NALCN: variants seen among roughly 807,000 people sequenced by gnomAD.
The protein encoded by NALCN is sodium leak channel NALCN.
Under a neutral mutation model 225.3 loss-of-function variants are expected in NALCN, and 111 were observed. That is an observed-to-expected ratio of 0.49 (90% CI 0.42 to 0.58). The LOEUF (loss-of-function observed/expected upper bound fraction) is 0.58, where lower values mean the gene tolerates loss of function less well. Among genes scored for constraint, NALCN ranks in the 20% least tolerant of loss-of-function variants. NALCN has a pLI of 0.00. For missense variants in NALCN, 1,378 were observed against 2,202.4 expected (o/e 0.63, Z 7.49); for synonymous variants, 764 against 769.0 (o/e 0.99, Z 0.11).
At chr13:101,274,482 T>A (rs575140479) in intron 10 of NALCN, among the ~76,000 whole-genome samples, 10 of 152,356 alleles carry the variant, frequency 6.6e-5, no homozygotes, top group African/African-American at 2.4e-4. Flanking sequence ...TATTAGTACC[T>A]ACCTTTATGG....
chr13:101,123,091 C>T (rs1487752286), intron 18 of NALCN, among the ~76,000 whole-genome samples: 3 of 152,092 alleles, frequency 2.0e-5, no homozygotes, highest in African/African-American at 7.2e-5. Flanking sequence ...AGTGATAGAT[C>T]AGTTTTAAGG....
rs2035414255 is a variant in NALCN, at chr13:101,111,195, ATCCGC to A, written c.2219_2223del (p.Ser740IlefsTer3). On this transcript the variant is annotated frameshift_variant, in exon 19 of 44. Transcript: ENST00000251127. LOFTEE classifies it high-confidence loss of function. Reference sequence around the variant, plus strand: ...TCCTTTGCGGGCTGCCCCTCAAATGATCCGCTCAGCATGCGCTGTCGGGTGCAAGC... The same window carrying A: ...TCCTTTGCGGGCTGCCCCTCAAATGATCAGCATGCGCTGTCGGGTGCAAGC... The A allele has an allele frequency of 6.2e-7, 1 of 1,607,178 alleles. No homozygotes were observed. Among genetic ancestry groups the A allele is most frequent in the Non-Finnish European group, 8.5e-7 (1 of 1,175,266 alleles).
chr13:101,062,158 A>T, intron 40 of NALCN, 40 bp from the exon 41 acceptor site: 1 of 1,607,006 alleles, frequency 6.2e-7, no homozygotes, highest in Non-Finnish European at 8.5e-7. Context: ...GCTCTGATTC[A>T]CCTGAGATTT....
At chr13:101,298,989 A>G (rs1399913253) in intron 7 of NALCN, among the ~76,000 whole-genome samples, 1 of 152,200 alleles carries the variant, frequency 6.6e-6, no homozygotes. Flanking sequence ...AATGAATTGA[A>G]TCTCTTCACT....
chr13:101,107,947 T>C (rs2035226915), intron 20 of NALCN, among the ~76,000 whole-genome samples, 158 bp from the exon 21 acceptor site: 1 of 148,724 alleles, frequency 6.7e-6, no homozygotes, highest in South Asian at 2.1e-4. Context: ...ATATTTATAT[T>C]AAATGTATAT....
At chr13:101,082,916 A>T (rs969252202) in intron 32 of NALCN, 33 bp from the exon 33 acceptor site, 1 of 1,612,052 alleles carries the variant, frequency 6.2e-7, no homozygotes, top group African/African-American at 1.3e-5. Flanking sequence ...GTCGTTGCCC[A>T]CGTCCATCGG....
intron 13 of NALCN, among the ~76,000 whole-genome samples, chr13:101,193,785 A>T (rs1199464188): frequency 1.3e-5 from 2 of 151,846 alleles, no homozygotes; most frequent in Non-Finnish European, 2.9e-5. Context: ...TTTTTCCTGT[A>T]TTTTTTTTCT....
chr13:101,221,065 A>C (rs2040918705), intron 13 of NALCN, among the ~76,000 whole-genome samples: 1 of 152,208 alleles, frequency 6.6e-6, no homozygotes, highest in Admixed American at 6.5e-5. Flanking sequence ...CAGACTCTTA[A>C]ATGCATTTTT....
intron 6 of NALCN, chr13:101,368,435 G>C (rs2139390567): frequency 6.6e-6 from 1 of 151,984 alleles, no homozygotes; most frequent in Admixed American, 6.6e-5. Context: ...CCAAGTCTTT[G>C]CTATTGTGAA....
intron 13 of NALCN, among the ~76,000 whole-genome samples, chr13:101,206,634 C>T (rs1356036321): frequency 6.6e-6 from 1 of 151,136 alleles, no homozygotes; most frequent in Non-Finnish European, 1.5e-5. Context: ...TTTATCAGTC[C>T]ACCTGTTTCC....
chr13:101,114,268 C>A (rs2035589608), intron 18 of NALCN, among the ~76,000 whole-genome samples: 1 of 152,202 alleles, frequency 6.6e-6, no homozygotes, highest in Non-Finnish European at 1.5e-5. Context: ...GCCTTTCCTT[C>A]TGACTTCACA....
At chr13:101,152,996 ATACACACACACACACT>A (rs2037725132) in intron 15 of NALCN, among the ~76,000 whole-genome samples, 1 of 152,090 alleles carries the variant, frequency 6.6e-6, no homozygotes, top group Admixed American at 6.6e-5. Context: ...GGAATTCAGG[ATACACACACACACACT>A]TACACACACA....
intron 7 of NALCN, among the ~76,000 whole-genome samples, chr13:101,308,246 G>A (rs149400848): frequency 1.6e-3 from 251 of 152,302 alleles, no homozygotes; most frequent in African/African-American, 5.6e-3. Context: ...CTTCCTGGGC[G>A]CATGGCTGCT....
At chr13:101,303,109 CT>C (rs1344607634) in intron 7 of NALCN, among the ~76,000 whole-genome samples, 2 of 152,112 alleles carry the variant, frequency 1.3e-5, no homozygotes, top group African/African-American at 2.4e-5. Context: ...TTTCCAGTTA[CT>C]GACTTTCAGT....
chr13:101,378,706 C>A (rs1183758426), intron 3 of NALCN, 53 bp from the exon 4 acceptor site: 4 of 1,441,926 alleles, frequency 2.8e-6, no homozygotes, highest in East Asian at 4.6e-5. Context: ...TTTTAAAGAA[C>A]AATCTGTGGA....
chr13:101,074,696 GAGAGAGAGAGAGAGAGACAGAGAC>G (rs1263166045), intron 35 of NALCN, 34 bp from the exon 36 acceptor site: 2 of 1,182,166 alleles, frequency 1.7e-6, no homozygotes, highest in African/African-American at 1.7e-5. Context: ...GGGAGACAGA[GAGAGAGAGAGAGAGAGACAGAGAC>G]AGAGAGAGAG....
intron 15 of NALCN, among the ~76,000 whole-genome samples, chr13:101,152,141 A>C (rs910498126): frequency 6.6e-6 from 1 of 152,238 alleles, no homozygotes; most frequent in Admixed American, 6.5e-5. Context: ...GAAGCCACAG[A>C]TAGAAATTGG....
In NALCN at chr13:101,106,060, C is replaced by T. The variant is rs986022711; in HGVS notation, c.2580-1110G>A. On this transcript the variant is annotated intron_variant, in intron 22 of 43. Transcript: ENST00000251127. ...AGGCTGGAAATCCAAGATCAAGATG[C>T]CAGCTGAGTTGGTTCTTTCTGAGGG... is the stretch of plus-strand genomic sequence containing the variant. 4.6e-5 allele frequency among the ~76,000 whole-genome samples: 7 copies of T among 152,244 alleles called. No individual in the cohort carries two copies. In the East Asian group the frequency reaches 1.2e-3, roughly 25 times the overall value.
At chr13:101,215,528 T>G (rs1413249) in intron 13 of NALCN, among the ~76,000 whole-genome samples, 38,307 of 151,894 alleles carry the variant, frequency 0.25, 5,044 homozygotes, top group East Asian at 0.37. Context: ...TGGCTGGGCT[T>G]TGGTCTCATC....
Sources: allele counts gnomAD v4.1 joint callset (sites outside exome capture counted in the v4.1 genomes callset), GRCh38; gene constraint gnomAD v4.1.1; transcripts MANE v1.5; gene names NCBI Gene and HGNC (gene_info 2026-07-23, HGNC 2026-07-21).